The following AKAP12 variants were observed in gnomAD, a reference collection of about 807,000 sequenced individuals.
AKAP12 encodes the protein A-kinase anchor protein 12.
Under a neutral mutation model 79.9 loss-of-function variants are expected in AKAP12, and 32 were observed. The ratio of observed to expected loss-of-function variants is 0.40; its 90% confidence interval spans 0.30 to 0.54. The LOEUF (loss-of-function observed/expected upper bound fraction) is 0.54, where lower values mean the gene tolerates loss of function less well. Among genes scored for constraint, AKAP12 ranks in the 20% least tolerant of loss-of-function variants. AKAP12 has a pLI of 0.48. For synonymous variants in AKAP12, 808 were observed against 857.0 expected (o/e 0.94, Z 1.00); for missense variants, 2,074 against 2,177.0 (o/e 0.95, Z 0.94).
At chr6:151,254,735 T>C (rs12202922) in intron 2 of AKAP12, among the ~76,000 whole-genome samples, 88,456 of 152,098 alleles carry the variant, frequency 0.58, 28,364 homozygotes, top group East Asian at 0.97. Flanking sequence ...GTTAAAGACT[T>C]ACTGAGGTTT....
At chr6:151,261,599 G>A (rs1797436332) in intron 2 of AKAP12, among the ~76,000 whole-genome samples, 1 of 151,302 alleles carries the variant, frequency 6.6e-6, no homozygotes, top group African/African-American at 2.4e-5. Context: ...TGCTTAGGAG[G>A]CTGAGTCAGG....
intron 3 of AKAP12, among the ~76,000 whole-genome samples, chr6:151,316,917 C>T (rs774320889): frequency 1.1e-3 from 163 of 152,272 alleles, no homozygotes; most frequent in Middle Eastern, 3.4e-3. Flanking sequence ...GGATTACAGG[C>T]GTGAGCCACC....
chr6:151,285,863 T>A (rs919949329), intron 2 of AKAP12, among the ~76,000 whole-genome samples: 3 of 150,614 alleles, frequency 2.0e-5, no homozygotes, highest in African/African-American at 7.3e-5. Context: ...CACATGATTA[T>A]CTTCTGGAGG....
chr6:151,257,523 C>G (rs1210331967), intron 2 of AKAP12, among the ~76,000 whole-genome samples: 3 of 152,130 alleles, frequency 2.0e-5, no homozygotes, highest in Non-Finnish European at 4.4e-5. Context: ...TCTTGAACTC[C>G]TGACCTCAAG....
intron 3 of AKAP12, among the ~76,000 whole-genome samples, chr6:151,334,450 C>T (rs868529769): frequency 6.6e-6 from 1 of 151,812 alleles, no homozygotes; most frequent in East Asian, 2.0e-4. Context: ...AAATATTTAG[C>T]GGGGCGTGGT....
chr6:151,335,865 T>C (rs1487621973), intron 3 of AKAP12, among the ~76,000 whole-genome samples: 1 of 152,192 alleles, frequency 6.6e-6, no homozygotes, highest in Non-Finnish European at 1.5e-5. Flanking sequence ...AGTGTACCCG[T>C]CACCGGAGTG....
intron 2 of AKAP12, among the ~76,000 whole-genome samples, chr6:151,277,944 A>ATATG (rs1554322733): frequency 3.4e-5 from 5 of 148,318 alleles, no homozygotes; most frequent in African/African-American, 1.2e-4. Context: ...TAATAGGTTT[A>ATATG]TGTGTGTGTG....
chr6:151,242,235 G>T (rs530324876), intron 2 of AKAP12, among the ~76,000 whole-genome samples: 1 of 152,228 alleles, frequency 6.6e-6, no homozygotes, highest in African/African-American at 2.4e-5. Flanking sequence ...CACCGCCCCG[G>T]CTTTTATACT....
At chr6:151,323,249 T>G (rs1026442448) in intron 3 of AKAP12, among the ~76,000 whole-genome samples, 1 of 152,092 alleles carries the variant, frequency 6.6e-6, no homozygotes, top group East Asian at 1.9e-4. Flanking sequence ...TTTAATTGCC[T>G]CTTTAAGAAT....
chr6:151,296,030 A>C (rs1319900471), intron 2 of AKAP12, among the ~76,000 whole-genome samples: 2 of 152,232 alleles, frequency 1.3e-5, no homozygotes, highest in African/African-American at 4.8e-5. Flanking sequence ...GGATGGAAAG[A>C]AATATCATGA....
intron 2 of AKAP12, among the ~76,000 whole-genome samples, chr6:151,267,300 C>T (rs192288805): frequency 2.4e-3 from 358 of 152,316 alleles, no homozygotes; most frequent in South Asian, 5.4e-3. Flanking sequence ...TGAATAGACT[C>T]TTATGCCATA....
At position 151,274,028 on chromosome 6, in the gene AKAP12, C is replaced by G. The variant is rs553248771; in HGVS notation, c.163-31719C>G. 1.4e-3 allele frequency among the ~76,000 whole-genome samples: 202 copies of G among 142,514 alleles called. 1 individual carries two copies. Among genetic ancestry groups the G allele is most frequent in the African/African-American group, 4.7e-3 (181 of 38,668 alleles). The allele number at this position is 142,514 out of a possible 152,430, so 93.5% of individuals were successfully genotyped here. On this transcript the variant is annotated intron_variant, in intron 2 of 4. Coordinates refer to ENST00000402676, the MANE Select transcript of AKAP12 (RefSeq NM_005100.4). ...TGGGCGACAGAGCAAGACTCTGTCT[C>G]AAAAACAAAAACAAAAAAGAATGAG...
At chr6:151,353,774 G>A (rs374303615) in intron 4 of AKAP12, 22 bp downstream of exon 4, 1 of 1,476,434 alleles carries the variant, frequency 6.8e-7, no homozygotes, top group East Asian at 2.4e-5. Flanking sequence ...TGTCTTCTAA[G>A]ATAATTTTTC....
In AKAP12 at chr6:151,348,695, C is replaced by A. The variant is rs760101901; in HGVS notation, c.320-16C>A. ...TTTTCTCTTCTCCCCACCCCCCCGC[C>A]CCTTTTTGTTAATAGTTGGACAGAG... On this transcript the variant is annotated splice_polypyrimidine_tract_variant and intron_variant, in intron 3 of 4. Coordinates refer to ENST00000402676, the MANE Select transcript of AKAP12 (RefSeq NM_005100.4). The A allele has an allele frequency of 4.7e-6, 2 of 423,940 alleles. No homozygotes were observed. The highest frequency in any genetic ancestry group is 4.7e-5 in the East Asian group (1 of 21,310). 26.3% of individuals were successfully genotyped at this position (423,940 alleles called of 1,614,324 possible).
chr6:151,259,420 A>ATATATGTGGGTGTG (rs1271546293), intron 2 of AKAP12, among the ~76,000 whole-genome samples: 1 of 149,124 alleles, frequency 6.7e-6, no homozygotes, highest in African/African-American at 2.5e-5. Context: ...ATATATGTAT[A>ATATATGTGGGTGTG]TATATATGTG....
chr6:151,348,286 C>T, intron 3 of AKAP12: 3 of 441,818 alleles, frequency 6.8e-6, no homozygotes. Context: ...GATCGTGCCA[C>T]TGTGCTCCAG....
At chr6:151,265,466 G>A (rs1797533350) in intron 2 of AKAP12, among the ~76,000 whole-genome samples, 1 of 152,190 alleles carries the variant, frequency 6.6e-6, no homozygotes, top group Non-Finnish European at 1.5e-5. Context: ...AATGTAGGAA[G>A]GGAACTGCTA....
chr6:151,346,000 C>T (rs1163222442), intron 3 of AKAP12, among the ~76,000 whole-genome samples: 5 of 148,412 alleles, frequency 3.4e-5, no homozygotes, highest in Admixed American at 1.4e-4. Flanking sequence ...AGAATGAGGT[C>T]ATTGTATATA....
intron 3 of AKAP12, chr6:151,325,856 A>G (rs199669148): frequency 2.0e-5 from 33 of 1,614,014 alleles, no homozygotes; most frequent in Non-Finnish European, 2.8e-5. Context: ...AGTGCTACTT[A>G]AAATATGCTG....
Sources: allele counts gnomAD v4.1 joint callset (sites outside exome capture counted in the v4.1 genomes callset), GRCh38; gene constraint gnomAD v4.1.1; transcripts MANE v1.5; gene names NCBI Gene and HGNC (gene_info 2026-07-23, HGNC 2026-07-21).